The following OR56A3 variants were observed in gnomAD, a reference collection of about 807,000 sequenced individuals.
OR56A3 encodes olfactory receptor 56A3.
OR56A3 carries 23 observed loss-of-function variants against 17.5 expected under a neutral mutation model. The ratio of observed to expected loss-of-function variants is 1.32; its 90% CI spans 0.95 to 1.87. OR56A3 has a LOEUF of 1.87. Among genes scored for constraint, OR56A3 ranks in the 40% most tolerant of loss-of-function variants. OR56A3 has a pLI of 0.00. For missense variants in OR56A3, 366 were observed against 380.1 expected, an observed-to-expected ratio of 0.96 and a Z score of 0.31; for synonymous variants, 175 against 150.6, an observed-to-expected ratio of 1.16 and a Z score of -1.19.
the OR56A3 span, among the ~76,000 whole-genome samples, chr11:5,965,645 T>C: frequency 6.6e-6 from 1 of 152,204 alleles, no homozygotes; most frequent in Admixed American, 6.5e-5. Context: ...AAGCATTATA[T>C]TAAAGCTCTA....
At chr11:6,002,921 C>G in the OR56A3 span, 2 of 1,613,922 alleles carry the variant, frequency 1.2e-6, no homozygotes, top group Admixed American at 3.3e-5. Flanking sequence ...GCTGCCAGCT[C>G]TGGAAGTTGG....
At chr11:5,965,528 T>G in the OR56A3 span, among the ~76,000 whole-genome samples, 1 of 152,206 alleles carries the variant, frequency 6.6e-6, no homozygotes, top group African/African-American at 2.4e-5. Context: ...GGAGAATACA[T>G]TATATTAATA....
chr11:5,951,701 G>A (rs1292203392), downstream of OR56A3, among the ~76,000 whole-genome samples: 2 of 152,186 alleles, frequency 1.3e-5, no homozygotes, highest in East Asian at 3.9e-4. Flanking sequence ...GGATGGCAGT[G>A]GCCCTTCAGC....
chr11:5,960,604 C>G, the OR56A3 span, among the ~76,000 whole-genome samples: 1 of 152,168 alleles, frequency 6.6e-6, no homozygotes, highest in Admixed American at 6.5e-5. Context: ...GATCTCGGCT[C>G]GCTACAACCT....
In OR56A3 at chr11:5,950,526, G is replaced by A. The variant is rs1392530190; in HGVS notation, c.*2232G>A. The A allele has an allele frequency of 1.3e-5, 2 of 152,090 alleles. No homozygotes were observed. Among genetic ancestry groups the A allele is most frequent in the Non-Finnish European group, 2.9e-5 (2 of 67,974 alleles). 9.4% of individuals were successfully genotyped at this position (152,090 alleles called of 1,614,324 possible). ...ACTATGGTTTTATCTCACCAAAATA[G>A]GTAATATTAGTGAGGATTTCCTCTA... On this transcript the variant is annotated 3_prime_UTR_variant, in exon 3 of 3. Transcript: ENST00000641160.
the OR56A3 span, among the ~76,000 whole-genome samples, chr11:5,963,638 A>C: frequency 6.6e-6 from 1 of 151,930 alleles, no homozygotes; most frequent in Non-Finnish European, 1.5e-5. Flanking sequence ...TTTTTGTCTG[A>C]GCTTTGACAG....
the OR56A3 span, among the ~76,000 whole-genome samples, chr11:5,962,568 G>A: frequency 2.6e-4 from 33 of 127,936 alleles, no homozygotes; most frequent in African/African-American, 8.8e-4. Flanking sequence ...GTCTCTCTCT[G>A]TCGCCCAGGC....
the OR56A3 span, chr11:6,001,317 C>G: frequency 2.6e-5 from 4 of 152,194 alleles, no homozygotes; most frequent in African/African-American, 4.8e-5. Context: ...AAAGAACATA[C>G]AGCACTTCAA....
At chr11:5,969,968 T>C in the OR56A3 span, among the ~76,000 whole-genome samples, 1 of 152,230 alleles carries the variant, frequency 6.6e-6, no homozygotes, top group Non-Finnish European at 1.5e-5. Flanking sequence ...GGTAGAATTC[T>C]AAGACTGCAC....
At chr11:5,974,875 G>A in the OR56A3 span, among the ~76,000 whole-genome samples, 1 of 152,170 alleles carries the variant, frequency 6.6e-6, no homozygotes, top group Non-Finnish European at 1.5e-5. Context: ...TTAAAACAGT[G>A]CTGAGCTTAT....
At chr11:5,946,096 T>C (rs1176721644) in intron 2 of OR56A3, among the ~76,000 whole-genome samples, 2 of 152,236 alleles carry the variant, frequency 1.3e-5, no homozygotes, top group East Asian at 3.8e-4. Flanking sequence ...TACAGTGTTC[T>C]TTCTATGGGC....
At chr11:5,985,690 G>C in the OR56A3 span, among the ~76,000 whole-genome samples, 5 of 152,166 alleles carry the variant, frequency 3.3e-5, no homozygotes, top group African/African-American at 4.8e-5. Context: ...AAGTCCTACT[G>C]ACACAAGGAG....
At chr11:5,996,220 ATGTGTGTATATATATG>A in the OR56A3 span, among the ~76,000 whole-genome samples, 3 of 152,212 alleles carry the variant, frequency 2.0e-5, no homozygotes, top group African/African-American at 2.4e-5. Flanking sequence ...ACATATATGT[ATGTGTGTATATATATG>A]TGTGTGTATA....
At chr11:5,990,878 G>T in the OR56A3 span, among the ~76,000 whole-genome samples, 1 of 152,064 alleles carries the variant, frequency 6.6e-6, no homozygotes, top group Non-Finnish European at 1.5e-5. Context: ...AACTAGGAAA[G>T]GGAGAAAATT....
chr11:6,018,896 C>A, the OR56A3 span, among the ~76,000 whole-genome samples: 1 of 151,874 alleles, frequency 6.6e-6, no homozygotes, highest in Non-Finnish European at 1.5e-5. Context: ...CTATTGGGAA[C>A]TATATACTAA....
the OR56A3 span, chr11:5,994,564 C>A: frequency 5.1e-6 from 5 of 975,962 alleles, no homozygotes; most frequent in Non-Finnish European, 8.1e-6. Flanking sequence ...CGATCTCTGT[C>A]TCCAGCTGCA....
chr11:5,992,341 G>A, the OR56A3 span, among the ~76,000 whole-genome samples: 2 of 152,042 alleles, frequency 1.3e-5, no homozygotes, highest in Non-Finnish European at 2.9e-5. Flanking sequence ...CAAAATCTTG[G>A]CTCCCTTTCT....
the OR56A3 span, chr11:5,986,391 C>T: frequency 3.1e-6 from 5 of 1,613,946 alleles, no homozygotes; most frequent in East Asian, 2.2e-5. Context: ...GTGTTCCCAA[C>T]AAAATGGGGA....
chr11:6,000,695 G>C, the OR56A3 span: 1 of 152,198 alleles, frequency 6.6e-6, no homozygotes, highest in African/African-American at 2.4e-5. Flanking sequence ...GCTGATGTGA[G>C]AAGCATCAAA....
Sources: gnomAD v4.1 joint callset for allele counts (sites outside exome capture counted in the v4.1 genomes callset) on GRCh38, gnomAD v4.1.1 for gene constraint, MANE v1.5 for transcripts, NCBI Gene and HGNC (gene_info 2026-07-23, HGNC 2026-07-21) for gene names.